Variants in TRIM9 observed in about 807,000 individuals in gnomAD.
The protein encoded by TRIM9 is tripartite motif containing 9, also known as E3 ubiquitin-protein ligase TRIM9.
In TRIM9, 26 loss-of-function variants were observed where a neutral mutation model predicts 78.3. That is an observed-to-expected ratio of 0.33 (90% CI 0.24 to 0.46). The LOEUF is 0.46. Among genes scored for constraint, TRIM9 ranks in the 20% least tolerant of loss-of-function variants. The pLI is 1.00. For missense variants in TRIM9, 787 were observed against 1,036.4 expected, an observed-to-expected ratio of 0.76 and a Z score of 3.30; for synonymous variants, 398 against 416.5, an observed-to-expected ratio of 0.96 and a Z score of 0.54.
chr14:51,016,458 T>G (rs2057202503), intron 3 of TRIM9, among the ~76,000 whole-genome samples: 2 of 149,684 alleles, frequency 1.3e-5, no homozygotes, highest in African/African-American at 2.5e-5. Flanking sequence ...CCCAGAACCA[T>G]TCCCCCCCAC....
intron 1 of TRIM9, among the ~76,000 whole-genome samples, chr14:51,087,384 G>A (rs1449957945): frequency 6.6e-6 from 1 of 152,184 alleles, no homozygotes; most frequent in Non-Finnish European, 1.5e-5. Context: ...ATGTCATGAT[G>A]ATTTCCCTGA....
At chr14:50,980,454 G>C (rs2139290090) in intron 11 of TRIM9, among the ~76,000 whole-genome samples, 1 of 152,258 alleles carries the variant, frequency 6.6e-6, no homozygotes, top group African/African-American at 2.4e-5. Flanking sequence ...TTGCATGCAG[G>C]ATACAGACTG....
rs375793408 is a variant in TRIM9, at chr14:51,009,093, G to A, written c.1293C>T (p.Phe431=). 29 of 1,613,928 alleles carry A rather than the reference G, an allele frequency of 1.8e-5. No homozygotes were observed. The highest frequency in any genetic ancestry group is 8.3e-5 in the Admixed American group (5 of 60,018). Residue 431 remains phenylalanine (F), a synonymous_variant, in exon 5 of 13, where the codon TTC becomes TTT. Transcript: ENST00000684578. The stretch of plus-strand genomic sequence containing the variant: ...GCAAGGACATACCTTTCACTTGCAC[G>A]AAATCCAGCTGGTGGATGGATTGCA... The part of the protein sequence containing the change: ...PLLQSIHQLD[F]VQVKASSPVP...
At chr14:50,991,156 G>C (rs1196813344) in intron 7 of TRIM9, among the ~76,000 whole-genome samples, 1 of 152,152 alleles carries the variant, frequency 6.6e-6, no homozygotes, top group East Asian at 1.9e-4. Flanking sequence ...TATTTATAAG[G>C]AACTATCATC....
chr14:50,997,971 TG>T lies in TRIM9; in HGVS notation c.1603+78del, dbSNP rs1176474962. On this transcript the variant is annotated intron_variant, in intron 7 of 12. Transcript: ENST00000684578. ...AACACTTCAGGAATGTGGGCAGTGG[TG>T]GGGTTACCTCCGGGCTTGCCAGCCA... is the stretch of plus-strand genomic sequence containing the variant. 9.4e-6 allele frequency: 15 copies of T among 1,590,972 alleles called. No homozygotes were observed. The Admixed American group carries it at 1.8e-4, about 19-fold the overall frequency.
chr14:51,015,505 C>CTTTTTTTTTTTTTTTTTTT lies in TRIM9; in HGVS notation c.1042-5030_1042-5012dup, dbSNP rs369652663. Among the ~76,000 whole-genome samples the CTTTTTTTTTTTTTTTTTTT allele has an allele frequency of 2.0e-4, 12 of 61,326 alleles. 2 individuals carry two copies. The highest frequency in any genetic ancestry group is 6.8e-4 in the African/African-American group (10 of 14,668). The allele number at this position is 61,326 out of a possible 152,430, so 40.2% of individuals were successfully genotyped here. ...AATGCTTTTTTCTTTCTTTACTTTT[C>CTTTTTTTTTTTTTTTTTTT]TTTTTTTTTTTTTTTTTTTTTTTTT... is the stretch of plus-strand genomic sequence containing the variant. On this transcript the variant is annotated intron_variant, in intron 3 of 12. Transcript: ENST00000684578.
chr14:51,069,914 ATTTAT>A (rs1379665594), intron 1 of TRIM9, among the ~76,000 whole-genome samples: 1 of 152,240 alleles, frequency 6.6e-6, no homozygotes, highest in African/African-American at 2.4e-5. Flanking sequence ...ACTTGCTAAA[ATTTAT>A]TTGTAATTTC....
rs370016549 is a variant in TRIM9, at chr14:51,022,804, C to T, written c.1041+31G>A. 52 of 1,612,694 alleles carry T rather than the reference C, an allele frequency of 3.2e-5. No homozygotes were observed. In the African/African-American group the frequency reaches 5.3e-4, roughly 17 times the overall value. ...GCCCCTCGGGAGCCTGGCTTGTTGG[C>T]TTTCTGCTCTTCCCATGATGCAGCA... is the stretch of plus-strand genomic sequence containing the variant. On this transcript the variant is annotated intron_variant, in intron 3 of 12. Transcript: ENST00000684578.
In TRIM9 at chr14:51,030,526, G is replaced by A. The variant is rs534549896; in HGVS notation, c.823-5166C>T. ...GATTTGCAAAAGAGTAGCTGGGCCT[G>A]GGAATGGAAGCACACAGTATAGGGA... On this transcript the variant is annotated intron_variant, in intron 1 of 12. Coordinates refer to ENST00000684578, the MANE Select transcript of TRIM9 (RefSeq NM_001387360.1). 2.0e-5 allele frequency among the ~76,000 whole-genome samples: 3 copies of A among 152,282 alleles called. No homozygotes were observed. In the Middle Eastern group the frequency reaches 0.01, roughly 518 times the overall value.
Position 50,975,872 on chromosome 14 carries a change from T to TAATG in TRIM9, c.*1418_*1419insCATT, listed in dbSNP as rs1183119223. 6.5e-6 allele frequency: 1 copy of TAATG among 152,672 alleles called. No individual in the cohort carries two copies. Among genetic ancestry groups the TAATG allele is most frequent in the Non-Finnish European group, 1.5e-5 (1 of 68,052 alleles). 9.5% of individuals were successfully genotyped at this position (152,672 alleles called of 1,614,324 possible). ...AGTCTATCTCTATATAGAAGTAAGA[T>TAATG]GCATTATTATTCTGCTATCAGTCAT... is the stretch of plus-strand genomic sequence containing the variant. On this transcript the variant is annotated 3_prime_UTR_variant, in exon 13 of 13. Coordinates refer to ENST00000684578, the MANE Select transcript of TRIM9 (RefSeq NM_001387360.1).
chr14:51,047,277 T>C (rs2060021566), intron 1 of TRIM9, among the ~76,000 whole-genome samples: 1 of 152,180 alleles, frequency 6.6e-6, no homozygotes, highest in African/African-American at 2.4e-5. Flanking sequence ...TTACCTCCTC[T>C]GAAACTCTGT....
intron 1 of TRIM9, among the ~76,000 whole-genome samples, chr14:51,026,368 T>TA (rs1176316835): frequency 1.3e-5 from 2 of 152,152 alleles, no homozygotes; most frequent in Non-Finnish European, 2.9e-5. Context: ...GCTTTCTTGT[T>TA]ATGTGATAAA....
In TRIM9 at chr14:51,015,505, C is replaced by CTTTTTTTTTT. The variant is rs369652663; in HGVS notation, c.1042-5021_1042-5012dup. On this transcript the variant is annotated intron_variant, in intron 3 of 12. Coordinates refer to ENST00000684578, the MANE Select transcript of TRIM9 (RefSeq NM_001387360.1). ...AATGCTTTTTTCTTTCTTTACTTTT[C>CTTTTTTTTTT]TTTTTTTTTTTTTTTTTTTTTTTTT... Among the ~76,000 whole-genome samples, 207 of 61,322 alleles carry CTTTTTTTTTT rather than the reference C, an allele frequency of 3.4e-3. 14 individuals are homozygous for CTTTTTTTTTT. The highest frequency in any genetic ancestry group is 4.7e-3 in the African/African-American group (69 of 14,656). The allele number at this position is 61,322 out of a possible 152,430, so 40.2% of individuals were successfully genotyped here. A position where few individuals can be genotyped will look rare whatever the true frequency, so the allele number is the denominator to read the frequency against.
intron 4 of TRIM9, among the ~76,000 whole-genome samples, chr14:51,009,876 C>G (rs977167176): frequency 6.6e-6 from 1 of 152,134 alleles, no homozygotes; most frequent in Non-Finnish European, 1.5e-5. Flanking sequence ...CAGCTTACAC[C>G]ATAGCATCTC....
chr14:51,086,022 A>G (rs2063719370), intron 1 of TRIM9, among the ~76,000 whole-genome samples: 1 of 152,186 alleles, frequency 6.6e-6, no homozygotes, highest in Non-Finnish European at 1.5e-5. Context: ...ATGCACCACA[A>G]TTTCTTTTCT....
In TRIM9 at chr14:51,094,946, C is replaced by G; in HGVS notation, c.-7G>C. 4 of 1,456,054 alleles carry G rather than the reference C, an allele frequency of 2.7e-6. No individual in the cohort carries two copies. In the South Asian group the frequency reaches 4.9e-5, roughly 18 times the overall value. The allele number at this position is 1,456,054 out of a possible 1,614,324, so 90.2% of individuals were successfully genotyped here. Reference sequence around the variant, plus strand: ...CCTCTTCCATCTCCTCCATGGGGACCGGTCTGGGAGGAGACAGCGACGGCT... The same window carrying G: ...CCTCTTCCATCTCCTCCATGGGGACGGGTCTGGGAGGAGACAGCGACGGCT... On this transcript the variant is annotated 5_prime_UTR_variant, in exon 1 of 13. Transcript: ENST00000684578.
chr14:51,023,087 T>TA (rs1348045936), intron 2 of TRIM9, 130 bp from the exon 3 acceptor site: 7 of 1,244,682 alleles, frequency 5.6e-6, no homozygotes, highest in Non-Finnish European at 7.8e-6. Context: ...TTGGTAATTT[T>TA]AAAAAAATAA....
intron 7 of TRIM9, chr14:50,996,061 A>T (rs1342855293): frequency 1.0e-6 from 1 of 984,672 alleles, no homozygotes; most frequent in Non-Finnish European, 1.2e-6. Flanking sequence ...GAACAAACCA[A>T]AGTTATGGAG....
intron 3 of TRIM9, among the ~76,000 whole-genome samples, chr14:51,018,260 G>A (rs970506093): frequency 2.0e-5 from 3 of 151,674 alleles, no homozygotes; most frequent in East Asian, 3.9e-4. Context: ...TTTTTTGTGA[G>A]CTGGGATGGC....
Sources: allele counts gnomAD v4.1 joint callset (sites outside exome capture counted in the v4.1 genomes callset), GRCh38; gene constraint gnomAD v4.1.1; transcripts MANE v1.5; gene names NCBI Gene and HGNC (gene_info 2026-07-23, HGNC 2026-07-21).